Variants in LGSN observed in about 807,000 individuals in gnomAD.
LGSN encodes lengsin.
LGSN carries 21 observed loss-of-function variants against 19.5 expected under a neutral mutation model. The observed-to-expected ratio is 1.07, with a 90% CI of 0.76 to 1.55. The LOEUF (loss-of-function observed/expected upper bound fraction) is 1.55. LGSN is among the 40% of genes most tolerant of loss of function. The pLI is 0.00. For missense variants in LGSN, 673 were observed against 608.5 expected (o/e 1.11, Z -1.12); for synonymous variants, 257 against 215.6 (o/e 1.19, Z -1.68).
chr6:63,402,453 A>G, the LGSN span, among the ~76,000 whole-genome samples: 14 of 152,216 alleles, frequency 9.2e-5, no homozygotes, highest in Non-Finnish European at 1.8e-4. Flanking sequence ...AGTAAGAATC[A>G]AGGGCCTGAA....
At chr6:63,480,940 G>GAGAT in the LGSN span, among the ~76,000 whole-genome samples, 2,701 of 59,252 alleles carry the variant, frequency 0.046, 252 homozygotes, top group Non-Finnish European at 0.062. Flanking sequence ...TAAAGAAAAT[G>GAGAT]ATATATATAT....
At chr6:63,376,479 A>C in the LGSN span, among the ~76,000 whole-genome samples, 7 of 152,326 alleles carry the variant, frequency 4.6e-5, no homozygotes, top group East Asian at 1.2e-3. Context: ...CTGTCTACTG[A>C]TGCTGACATC....
chr6:63,517,653 C>G, the LGSN span, among the ~76,000 whole-genome samples: 1 of 152,080 alleles, frequency 6.6e-6, no homozygotes, highest in Non-Finnish European at 1.5e-5. Context: ...CACACAATCA[C>G]ATACACACAC....
At chr6:63,564,047 G>A in the LGSN span, among the ~76,000 whole-genome samples, 1 of 152,192 alleles carries the variant, frequency 6.6e-6, no homozygotes, top group Non-Finnish European at 1.5e-5. Flanking sequence ...GGCCAAGGCA[G>A]GCGGATCATT....
At chr6:63,288,267 AAATAAT>A (rs200120837) in intron 2 of LGSN, among the ~76,000 whole-genome samples, 30 of 130,248 alleles carry the variant, frequency 2.3e-4, no homozygotes, top group Admixed American at 7.4e-5. Flanking sequence ...ATAAATAAAT[AAATAAT>A]AATAATATTC....
At chr6:63,521,645 GT>G in the LGSN span, 3 of 152,180 alleles carry the variant, frequency 2.0e-5, no homozygotes, top group Admixed American at 2.0e-4. Flanking sequence ...CCCTTGAACT[GT>G]ATAAATTGCA....
the LGSN span, among the ~76,000 whole-genome samples, chr6:63,381,997 A>G: frequency 6.6e-6 from 1 of 152,210 alleles, no homozygotes; most frequent in African/African-American, 2.4e-5. Flanking sequence ...CTCATGCTGA[A>G]CCTACTAGCA....
chr6:63,305,203 AC>A (rs1768333963), intron 1 of LGSN, among the ~76,000 whole-genome samples: 1 of 152,084 alleles, frequency 6.6e-6, no homozygotes, highest in Non-Finnish European at 1.5e-5. Context: ...CTCTGCTCTA[AC>A]CCTTACAAAA....
At chr6:63,559,174 C>T in the LGSN span, among the ~76,000 whole-genome samples, 2 of 152,112 alleles carry the variant, frequency 1.3e-5, no homozygotes, top group Non-Finnish European at 2.9e-5. Flanking sequence ...TTCATATTTA[C>T]AAATAACATG....
At chr6:63,382,059 ATTC>A in the LGSN span, among the ~76,000 whole-genome samples, 791 of 152,352 alleles carry the variant, frequency 5.2e-3, 4 homozygotes, top group South Asian at 0.026. Flanking sequence ...ACCAAGTGCT[ATTC>A]TTCTTCAATC....
the LGSN span, among the ~76,000 whole-genome samples, chr6:63,402,455 G>T: frequency 6.6e-6 from 1 of 151,956 alleles, no homozygotes; most frequent in Non-Finnish European, 1.5e-5. Flanking sequence ...TAAGAATCAA[G>T]GGCCTGAAGA....
chr6:63,331,118 C>T, the LGSN span, among the ~76,000 whole-genome samples: 104 of 152,178 alleles, frequency 6.8e-4, no homozygotes, highest in African/African-American at 2.4e-3. Flanking sequence ...TTGCTTATTT[C>T]CTTCTGGGCA....
the LGSN span, among the ~76,000 whole-genome samples, chr6:63,419,924 A>T: frequency 2.4e-5 from 2 of 82,020 alleles, no homozygotes; most frequent in South Asian, 4.1e-4. Flanking sequence ...AAAAAAAAAA[A>T]GCCTGGTATG....
chr6:63,345,503 C>A, the LGSN span, among the ~76,000 whole-genome samples: 1 of 152,160 alleles, frequency 6.6e-6, no homozygotes. Flanking sequence ...TGAGACCTGT[C>A]TTGGGAGGTC....
At chr6:63,523,093 T>C in the LGSN span, among the ~76,000 whole-genome samples, 1 of 151,808 alleles carries the variant, frequency 6.6e-6, no homozygotes, top group Non-Finnish European at 1.5e-5. Context: ...CTCAAACTCC[T>C]GACCTCAAGT....
At chr6:63,562,563 G>A in the LGSN span, among the ~76,000 whole-genome samples, 1 of 152,298 alleles carries the variant, frequency 6.6e-6, no homozygotes, top group African/African-American at 2.4e-5. Flanking sequence ...CACCCACTAT[G>A]AGTTGATTTT....
intron 1 of LGSN, among the ~76,000 whole-genome samples, chr6:63,318,294 T>G (rs1269873539): frequency 6.6e-6 from 1 of 152,216 alleles, no homozygotes; most frequent in East Asian, 1.9e-4. Context: ...TTTGTTCAGC[T>G]GCTGTGTTTT....
At chr6:63,557,054 C>T in the LGSN span, among the ~76,000 whole-genome samples, 1 of 152,156 alleles carries the variant, frequency 6.6e-6, no homozygotes, top group African/African-American at 2.4e-5. Flanking sequence ...TTATTAAATA[C>T]TTATTATGTG....
the LGSN span, among the ~76,000 whole-genome samples, chr6:63,499,984 A>G: frequency 6.6e-6 from 1 of 152,188 alleles, no homozygotes; most frequent in Admixed American, 6.5e-5. Flanking sequence ...CCATAATTCC[A>G]TACATTTCTG....
Sources: allele counts gnomAD v4.1 joint callset (sites outside exome capture counted in the v4.1 genomes callset), GRCh38; gene constraint gnomAD v4.1.1; transcripts MANE v1.5; gene names NCBI Gene and HGNC (gene_info 2026-07-23, HGNC 2026-07-21).